The following DPYD variants were observed in gnomAD, a reference collection of about 807,000 sequenced individuals.
DPYD encodes the protein dihydropyrimidine dehydrogenase, also known as dihydropyrimidine dehydrogenase [NADP(+)].
A neutral mutation model predicts 116.2 loss-of-function variants in DPYD; 109 were observed. That is an observed-to-expected ratio of 0.94 (90% CI 0.80 to 1.10). DPYD has a LOEUF of 1.10. Ranked by LOEUF, DPYD falls within the 50% of genes least tolerant of loss-of-function variation. The probability of loss-of-function intolerance (pLI) is 0.00; values close to 1 mark genes in which losing one functional copy is unlikely to be tolerated. For missense variants in DPYD, 1,302 were observed against 1,254.5 expected (o/e 1.04, Z -0.57); for synonymous variants, 440 against 432.0 (o/e 1.02, Z -0.23).
intron 18 of DPYD, among the ~76,000 whole-genome samples, chr1:97,265,232 T>C (rs1450774688): frequency 1.3e-5 from 2 of 152,172 alleles, no homozygotes; most frequent in Non-Finnish European, 2.9e-5. Context: ...TATTGCATGA[T>C]TGGCACTGTT....
chr1:97,731,533 T>C (rs1225076953), intron 4 of DPYD, among the ~76,000 whole-genome samples: 1 of 152,054 alleles, frequency 6.6e-6, no homozygotes, highest in African/African-American at 2.4e-5. Context: ...TGTTCCAGCC[T>C]TTTATATTTT....
In DPYD at chr1:97,620,917, TAA is replaced by T. The variant is rs949635055; in HGVS notation, c.851-25753_851-25752del. Among the ~76,000 whole-genome samples the T allele has an allele frequency of 5.3e-5, 8 of 152,274 alleles. No individual in the cohort carries two copies. The South Asian group carries it at 8.3e-4, about 16-fold the overall frequency. The stretch of plus-strand genomic sequence containing the variant: ...TAATTAGATAATGCTTTCATCCTCT[TAA>T]GAGATTTATCATGAAATAAAAAAGT... On this transcript the variant is annotated intron_variant, in intron 8 of 22. Transcript: ENST00000370192.
At chr1:97,492,838 T>C (rs1679045417) in intron 13 of DPYD, among the ~76,000 whole-genome samples, 1 of 152,104 alleles carries the variant, frequency 6.6e-6, no homozygotes. Flanking sequence ...CCCAGAAGTA[T>C]CTCTAACAAA....
Position 97,741,710 on chromosome 1 carries a change from A to G in DPYD, c.234-1231T>C, listed in dbSNP as rs1664280554. ...ATAAAAGTGTTGGAAAAAGATCACC[A>G]TGGTCCTGCCATCATAGAACATGCA... On this transcript the variant is annotated intron_variant, in intron 3 of 22. Transcript: ENST00000370192. Among the ~76,000 whole-genome samples, 3 of 152,170 alleles carry G rather than the reference A, an allele frequency of 2.0e-5. No homozygotes were observed. The South Asian group carries it at 6.2e-4, about 32-fold the overall frequency.
intron 14 of DPYD, among the ~76,000 whole-genome samples, chr1:97,417,653 G>C (rs1047782209): frequency 1.5e-4 from 23 of 152,028 alleles, no homozygotes; most frequent in Non-Finnish European, 3.1e-4. Context: ...TTACGATGTT[G>C]TTTTCACTTT....
At position 97,487,659 on chromosome 1, in the gene DPYD, C is replaced by T. The variant is rs975767586; in HGVS notation, c.1740+28067G>A. On this transcript the variant is annotated intron_variant, in intron 13 of 22. Transcript: ENST00000370192. The stretch of plus-strand genomic sequence containing the variant: ...CTGCACTCCAGCCTGGGCGACAGAG[C>T]GCGACTCTGTCTCAAAAAACAAAAC... Among the ~76,000 whole-genome samples, 10 of 152,050 alleles carry T rather than the reference C, an allele frequency of 6.6e-5. No homozygotes were observed. In the East Asian group the frequency reaches 9.7e-4, roughly 15 times the overall value.
At chr1:97,215,791 G>C (rs1193093610) in intron 19 of DPYD, among the ~76,000 whole-genome samples, 9 of 152,066 alleles carry the variant, frequency 5.9e-5, no homozygotes, top group Non-Finnish European at 1.2e-4. Flanking sequence ...AAATATAAAC[G>C]TTCCCATTTT....
chr1:97,204,630 G>A (rs1434648153), intron 19 of DPYD, among the ~76,000 whole-genome samples: 1 of 152,042 alleles, frequency 6.6e-6, no homozygotes, highest in East Asian at 1.9e-4. Flanking sequence ...AAAATACCAG[G>A]ACCAGCAGTA....
chr1:97,879,043 T>A lies in DPYD; in HGVS notation c.150+4221A>T, dbSNP rs1233195591. 2.6e-5 allele frequency among the ~76,000 whole-genome samples: 4 copies of A among 151,968 alleles called. No individual in the cohort carries two copies. The East Asian group carries it at 7.8e-4, about 30-fold the overall frequency. On this transcript the variant is annotated intron_variant, in intron 2 of 22. Coordinates refer to ENST00000370192, the MANE Select transcript of DPYD (RefSeq NM_000110.4). ...TCTTTTATTTCCTTATTCAAAAAAA[T>A]TCTACTAAAAGAGCTCTCTGGCAAT...
intron 18 of DPYD, among the ~76,000 whole-genome samples, chr1:97,273,693 TTGTAAGACA>T (rs1449160608): frequency 6.6e-6 from 1 of 152,200 alleles, no homozygotes; most frequent in African/African-American, 2.4e-5. Context: ...TATTGCTTTT[TTGTAAGACA>T]TTTATCCAGC....
At chr1:97,283,738 C>T (rs1226734482) in intron 18 of DPYD, among the ~76,000 whole-genome samples, 1 of 152,076 alleles carries the variant, frequency 6.6e-6, no homozygotes, top group Non-Finnish European at 1.5e-5. Flanking sequence ...TTGTTTCTTT[C>T]AGTCCCATAT....
At chr1:97,578,386 A>G (rs1016313787) in intron 10 of DPYD, among the ~76,000 whole-genome samples, 1 of 152,156 alleles carries the variant, frequency 6.6e-6, no homozygotes, top group African/African-American at 2.4e-5. Flanking sequence ...CAAAAAGCCA[A>G]AACCGCACTG....
chr1:97,295,752 C>T, intron 18 of DPYD: 2 of 984,074 alleles, frequency 2.0e-6, no homozygotes, highest in Non-Finnish European at 2.4e-6. Flanking sequence ...TTAAAATTGC[C>T]AGTGCTACTG....
intron 2 of DPYD, among the ~76,000 whole-genome samples, chr1:97,849,948 C>G (rs887870915): frequency 7.2e-5 from 11 of 152,014 alleles, no homozygotes; most frequent in African/African-American, 2.7e-4. Flanking sequence ...CTCAGGAGCA[C>G]TAAGAAATTT....
chr1:97,734,751 T>C (rs1460581295), intron 4 of DPYD, among the ~76,000 whole-genome samples: 8 of 152,172 alleles, frequency 5.3e-5, no homozygotes, highest in East Asian at 1.9e-4. Context: ...GGAATCATCT[T>C]AAAGGCATTT....
intron 20 of DPYD, among the ~76,000 whole-genome samples, chr1:97,101,531 TAAGA>T (rs1247916794): frequency 1.4e-5 from 2 of 142,236 alleles, no homozygotes; most frequent in African/African-American, 5.2e-5. Flanking sequence ...AAAACAAAGC[TAAGA>T]AAGAGTGAAG....
At chr1:97,111,807 T>C (rs1250712415) in intron 20 of DPYD, among the ~76,000 whole-genome samples, 1 of 152,074 alleles carries the variant, frequency 6.6e-6, no homozygotes, top group Non-Finnish European at 1.5e-5. Flanking sequence ...TAATTGTACA[T>C]TTATACACAG....
chr1:97,677,291 C>T (rs1449714855), intron 8 of DPYD, among the ~76,000 whole-genome samples: 1 of 152,118 alleles, frequency 6.6e-6, no homozygotes, highest in Non-Finnish European at 1.5e-5. Flanking sequence ...CTTACAGATA[C>T]ATGTATTAAT....
At chr1:97,378,843 G>A (rs2101547024) in intron 15 of DPYD, among the ~76,000 whole-genome samples, 1 of 152,240 alleles carries the variant, frequency 6.6e-6, no homozygotes, top group South Asian at 2.1e-4. Context: ...AGTGGCCAAT[G>A]ACACAACTGT....
Sources: gnomAD v4.1 joint callset for allele counts (sites outside exome capture counted in the v4.1 genomes callset) on GRCh38, gnomAD v4.1.1 for gene constraint, MANE v1.5 for transcripts, NCBI Gene and HGNC (gene_info 2026-07-23, HGNC 2026-07-21) for gene names.